RPS6KC1: variants seen among roughly 807,000 people sequenced by gnomAD.
RPS6KC1 encodes ribosomal protein S6 kinase C1, also known as inactive ribosomal protein S6 kinase delta-1.
RPS6KC1 carries 54 observed loss-of-function variants against 103.8 expected under a neutral mutation model. The observed-to-expected ratio is 0.52, with a 90% CI of 0.42 to 0.65. The LOEUF is 0.65. Among genes scored for constraint, RPS6KC1 ranks in the 30% least tolerant of loss-of-function variants. RPS6KC1 has a pLI of 0.00. For missense variants in RPS6KC1, 1,151 were observed against 1,253.8 expected, an observed-to-expected ratio of 0.92 and a Z score of 1.24; for synonymous variants, 439 against 438.7, an observed-to-expected ratio of 1.00 and a Z score of -0.01.
the RPS6KC1 span, among the ~76,000 whole-genome samples, chr1:213,415,182 G>A: frequency 1.3e-5 from 2 of 152,140 alleles, no homozygotes; most frequent in Non-Finnish European, 1.5e-5. Flanking sequence ...TTTCATCCAG[G>A]GGCCAAACAC....
the RPS6KC1 span, among the ~76,000 whole-genome samples, chr1:213,578,915 G>A: frequency 6.6e-6 from 1 of 152,048 alleles, no homozygotes; most frequent in Non-Finnish European, 1.5e-5. Context: ...GTTTTGATAT[G>A]AGAGGACATA....
intron 8 of RPS6KC1, among the ~76,000 whole-genome samples, chr1:213,226,950 T>C (rs574304499): frequency 6.6e-6 from 1 of 152,246 alleles, no homozygotes; most frequent in Non-Finnish European, 1.5e-5. Flanking sequence ...GGAAGAAACC[T>C]GGAGCCAGAC....
At chr1:213,811,591 C>T in the RPS6KC1 span, among the ~76,000 whole-genome samples, 1 of 152,212 alleles carries the variant, frequency 6.6e-6, no homozygotes, top group African/African-American at 2.4e-5. Context: ...AGTCATCTTC[C>T]AGGAGGACTC....
chr1:213,635,570 C>G, the RPS6KC1 span, among the ~76,000 whole-genome samples: 2 of 152,108 alleles, frequency 1.3e-5, no homozygotes, highest in East Asian at 1.9e-4. Flanking sequence ...ATTCAACAGC[C>G]CTTCATGCTA....
At chr1:213,462,459 G>A in the RPS6KC1 span, among the ~76,000 whole-genome samples, 1 of 152,162 alleles carries the variant, frequency 6.6e-6, no homozygotes, top group Non-Finnish European at 1.5e-5. Flanking sequence ...GCACACGTAT[G>A]TTTATTGCAG....
chr1:213,506,853 A>G, the RPS6KC1 span, among the ~76,000 whole-genome samples: 1 of 152,210 alleles, frequency 6.6e-6, no homozygotes, highest in Non-Finnish European at 1.5e-5. Flanking sequence ...TTTTAAAAGA[A>G]TTAGTGATAA....
the RPS6KC1 span, among the ~76,000 whole-genome samples, chr1:213,581,069 C>T: frequency 6.6e-6 from 1 of 151,942 alleles, no homozygotes; most frequent in Non-Finnish European, 1.5e-5. Context: ...GTCTTGGAAC[C>T]AATCCCACAT....
Position 213,265,371 on chromosome 1 carries a change from TCA to T in RPS6KC1, c.3090+2558_3090+2559del, listed in dbSNP as rs909509642. On this transcript the variant is annotated intron_variant, in intron 14 of 14. Coordinates refer to ENST00000366960, the MANE Select transcript of RPS6KC1 (RefSeq NM_012424.6). ...AGTCAAAATATGAACCTTTAGAATT[TCA>T]CATTTAAAGTATATTTTAGAAAGAA... Among the ~76,000 whole-genome samples the T allele has an allele frequency of 9.8e-5, 15 of 152,358 alleles. 1 individual carries two copies. The highest frequency in any genetic ancestry group is 3.6e-4 in the African/African-American group (15 of 41,588).
the RPS6KC1 span, among the ~76,000 whole-genome samples, chr1:213,489,684 C>G: frequency 6.6e-6 from 1 of 152,162 alleles, no homozygotes; most frequent in Non-Finnish European, 1.5e-5. Context: ...GGCAGGGACT[C>G]AGAAACAACT....
the RPS6KC1 span, among the ~76,000 whole-genome samples, chr1:213,416,874 C>T: frequency 6.6e-6 from 1 of 152,174 alleles, no homozygotes. Flanking sequence ...TGAGCCTCTC[C>T]TCTCCTCCTC....
At chr1:213,803,605 G>C in the RPS6KC1 span, among the ~76,000 whole-genome samples, 1 of 152,188 alleles carries the variant, frequency 6.6e-6, no homozygotes, top group East Asian at 1.9e-4. Flanking sequence ...GTTTCAGAGT[G>C]GTCCAGAGTG....
chr1:213,316,361 A>G, the RPS6KC1 span, among the ~76,000 whole-genome samples: 1 of 152,232 alleles, frequency 6.6e-6, no homozygotes, highest in African/African-American at 2.4e-5. Context: ...AAATGGACTA[A>G]TACAGTCAGT....
intron 6 of RPS6KC1, among the ~76,000 whole-genome samples, chr1:213,131,632 C>T (rs1311547694): frequency 2.0e-5 from 3 of 151,936 alleles, no homozygotes; most frequent in African/African-American, 4.8e-5. Context: ...TTAGCAGAAA[C>T]GGGGTTTCAC....
the RPS6KC1 span, among the ~76,000 whole-genome samples, chr1:213,824,274 T>A: frequency 6.6e-6 from 1 of 152,208 alleles, no homozygotes; most frequent in Admixed American, 6.5e-5. Context: ...GAGCTGGCCC[T>A]GTTTCCCAGC....
At position 213,200,980 on chromosome 1, in the gene RPS6KC1, G is replaced by A. The variant is rs535147439; in HGVS notation, c.1044+24488G>A. Among the ~76,000 whole-genome samples the A allele has an allele frequency of 8.5e-5, 13 of 152,290 alleles. No homozygotes were observed. In the South Asian group the frequency reaches 2.3e-3, roughly 27 times the overall value. ...ACTGGGGCCTGTCAGAGGGTGGCGG[G>A]TGGGAGGAAGAATAGGTTCAGGAAA... is the stretch of plus-strand genomic sequence containing the variant. On this transcript the variant is annotated intron_variant, in intron 8 of 14. Coordinates refer to ENST00000366960, the MANE Select transcript of RPS6KC1 (RefSeq NM_012424.6).
At chr1:213,358,125 G>T in the RPS6KC1 span, among the ~76,000 whole-genome samples, 2 of 150,208 alleles carry the variant, frequency 1.3e-5, no homozygotes, top group Non-Finnish European at 3.0e-5. Flanking sequence ...CCAGGCTTTG[G>T]TATCAGGATG....
intron 1 of RPS6KC1, among the ~76,000 whole-genome samples, chr1:213,066,846 T>C (rs144569140): frequency 6.6e-6 from 1 of 152,262 alleles, no homozygotes; most frequent in East Asian, 1.9e-4. Flanking sequence ...TTATTTAATA[T>C]TGTAAAAGGA....
chr1:213,311,524 G>A, the RPS6KC1 span, among the ~76,000 whole-genome samples: 1 of 152,178 alleles, frequency 6.6e-6, no homozygotes, highest in Non-Finnish European at 1.5e-5. Flanking sequence ...GGCCAGAAGG[G>A]AGGGTAGAAA....
the RPS6KC1 span, among the ~76,000 whole-genome samples, chr1:213,560,937 G>A: frequency 6.6e-6 from 1 of 152,160 alleles, no homozygotes; most frequent in Non-Finnish European, 1.5e-5. Flanking sequence ...ATATTGTACA[G>A]CATAGCTGCA....
Sources: gnomAD v4.1 joint callset for allele counts (sites outside exome capture counted in the v4.1 genomes callset) on GRCh38, gnomAD v4.1.1 for gene constraint, MANE v1.5 for transcripts, NCBI Gene and HGNC (gene_info 2026-07-23, HGNC 2026-07-21) for gene names.